The following GPT2 variants were observed in gnomAD, a reference collection of about 807,000 sequenced individuals.
GPT2 encodes the protein alanine aminotransferase 2.
A neutral mutation model predicts 56.9 loss-of-function variants in GPT2; 30 were observed. The ratio of observed to expected loss-of-function variants is 0.53; its 90% CI spans 0.39 to 0.72. The LOEUF (loss-of-function observed/expected upper bound fraction) is 0.72. GPT2 is among the 30% of genes least tolerant of loss of function. GPT2 has a pLI of 0.00. For synonymous variants in GPT2, 271 were observed against 283.1 expected (o/e 0.96, Z 0.43); for missense variants, 542 against 703.4 (o/e 0.77, Z 2.60).
intron 3 of GPT2, among the ~76,000 whole-genome samples, chr16:46,900,323 G>A (rs987548518): frequency 6.6e-6 from 1 of 152,152 alleles, no homozygotes; most frequent in Admixed American, 6.5e-5. Context: ...GCTCCACCCA[G>A]CTGGGCATCG....
At chr16:46,921,669 A>G (rs1961290925) in intron 8 of GPT2, among the ~76,000 whole-genome samples, 1 of 151,982 alleles carries the variant, frequency 6.6e-6, no homozygotes, top group African/African-American at 2.4e-5. Flanking sequence ...TTTTTTTTTA[A>G]AACTCATCAT....
intron 11 of GPT2, among the ~76,000 whole-genome samples, chr16:46,928,204 C>T (rs1229870470): frequency 9.2e-5 from 14 of 151,794 alleles, no homozygotes; most frequent in African/African-American, 4.8e-5. Flanking sequence ...GGCGCATGCC[C>T]GTAATCCTAG....
intron 2 of GPT2, among the ~76,000 whole-genome samples, chr16:46,891,494 C>T (rs1396862451): frequency 4.6e-5 from 7 of 152,034 alleles, no homozygotes; most frequent in Admixed American, 1.3e-4. Context: ...ATCTCCACCT[C>T]CTGACTTCAA....
At chr16:46,918,409 G>T (rs1284600308) in intron 7 of GPT2, among the ~76,000 whole-genome samples, 1 of 152,190 alleles carries the variant, frequency 6.6e-6, no homozygotes, top group African/African-American at 2.4e-5. Flanking sequence ...GTGAGCTCCT[G>T]AGCTGTCTCA....
Position 46,909,903 on chromosome 16 carries a change from A to C in GPT2, c.796A>C (p.Ile266Leu). Residue 266 changes from isoleucine to leucine, a missense_variant, in exon 6 of 12, where the codon ATA becomes CTA. Physicochemically the swap from Ile to Leu is conservative, Grantham distance 5. Transcript: ENST00000340124. ...KDHCDPKVLC[I>L]INPGNPTGQV... ...CCACTGTGATCCTAAGGTGCTCTGC[A>C]TAATCAACCCTGGGAACCCCACAGG... is the stretch of plus-strand genomic sequence containing the variant. The C allele has an allele frequency of 2.5e-6, 4 of 1,612,530 alleles. No individual in the cohort carries two copies. Among genetic ancestry groups the C allele is most frequent in the Non-Finnish European group, 3.4e-6 (4 of 1,178,818 alleles).
At chr16:46,907,263 G>A (rs189021699) in intron 5 of GPT2, among the ~76,000 whole-genome samples, 4 of 152,374 alleles carry the variant, frequency 2.6e-5, no homozygotes, top group Admixed American at 6.5e-5. Flanking sequence ...GGTTCTGCAC[G>A]TACTGGTGTT....
At chr16:46,905,455 TG>T (rs1455157808) in intron 4 of GPT2, among the ~76,000 whole-genome samples, 1 of 152,188 alleles carries the variant, frequency 6.6e-6, no homozygotes, top group East Asian at 1.9e-4. Flanking sequence ...TCCTGCCTCC[TG>T]GGGGTGGTTT....
chr16:46,907,544 C>T (rs1960957338), intron 5 of GPT2, among the ~76,000 whole-genome samples: 1 of 152,138 alleles, frequency 6.6e-6, no homozygotes, highest in African/African-American at 2.4e-5. Flanking sequence ...AGGGGGTGTG[C>T]TCTGAGCTGA....
intron 2 of GPT2, among the ~76,000 whole-genome samples, chr16:46,887,887 T>C (rs1160905057): frequency 1.3e-5 from 2 of 152,170 alleles, no homozygotes; most frequent in South Asian, 4.1e-4. Flanking sequence ...GGGGCCATTC[T>C]CCTGCAGCCC....
chr16:46,929,291 TACA>T lies in GPT2; in HGVS notation c.*300_*302del. On this transcript the variant is annotated 3_prime_UTR_variant, in exon 12 of 12. Coordinates refer to ENST00000340124, the MANE Select transcript of GPT2 (RefSeq NM_133443.4). The stretch of plus-strand genomic sequence containing the variant: ...GCTTCTGGAAAGTTCATTTGGGGTT[TACA>T]ACAACTAGGATGTGTTGGGTGAGAT... 2.6e-6 allele frequency: 1 copy of T among 380,650 alleles called. No individual in the cohort carries two copies. Among genetic ancestry groups the T allele is most frequent in the Non-Finnish European group, 4.9e-6 (1 of 202,662 alleles). 23.6% of individuals were successfully genotyped at this position (380,650 alleles called of 1,614,324 possible).
chr16:46,921,324 C>A (rs995341900), intron 8 of GPT2, among the ~76,000 whole-genome samples: 11 of 152,180 alleles, frequency 7.2e-5, no homozygotes, highest in Non-Finnish European at 1.5e-4. Context: ...CAGGCATGCA[C>A]CACCATGCCA....
intron 9 of GPT2, among the ~76,000 whole-genome samples, chr16:46,922,947 G>T (rs1261871135): frequency 6.6e-6 from 1 of 152,050 alleles, no homozygotes; most frequent in Non-Finnish European, 1.5e-5. Context: ...ACATAAAGTC[G>T]ACCTTTTTAA....
chr16:46,911,394 C>T (rs1272666990), intron 6 of GPT2, among the ~76,000 whole-genome samples: 1 of 152,132 alleles, frequency 6.6e-6, no homozygotes, highest in Non-Finnish European at 1.5e-5. Flanking sequence ...TCAAATGATG[C>T]TTCAGTCAGC....
intron 5 of GPT2, among the ~76,000 whole-genome samples, 173 bp downstream of exon 5, chr16:46,907,148 A>G (rs1041218846): frequency 3.9e-5 from 6 of 152,160 alleles, no homozygotes; most frequent in African/African-American, 1.4e-4. Flanking sequence ...AGTCTTCATG[A>G]GCCTAGACAC....
At chr16:46,918,532 C>T in intron 7 of GPT2, 89 bp from the exon 8 acceptor site, 2 of 1,475,054 alleles carry the variant, frequency 1.4e-6, no homozygotes, top group Non-Finnish European at 1.9e-6. Context: ...TCATGGCCCA[C>T]AGCACCTGTG....
rs190428752 is a variant in GPT2, at chr16:46,889,313, A to C, written c.243+4355A>C. ...TGTTCTTTCTCCTAGGCTGGAGTGCAGTGGTGCAGTTATAGCTCACTGTGG... is the reference window on the plus strand; with the variant it reads ...TGTTCTTTCTCCTAGGCTGGAGTGCCGTGGTGCAGTTATAGCTCACTGTGG... On this transcript the variant is annotated intron_variant, in intron 2 of 11. Coordinates refer to ENST00000340124, the MANE Select transcript of GPT2 (RefSeq NM_133443.4). 5.2e-4 allele frequency among the ~76,000 whole-genome samples: 69 copies of C among 133,424 alleles called. 1 individual carries two copies. Among genetic ancestry groups the C allele is most frequent in the Non-Finnish European group, 1.5e-4 (10 of 65,472 alleles). 87.5% of individuals were successfully genotyped at this position (133,424 alleles called of 152,430 possible). A position where few individuals can be genotyped will look rare whatever the true frequency, so the allele number is the denominator to read the frequency against.
intron 7 of GPT2, among the ~76,000 whole-genome samples, chr16:46,917,904 A>T (rs1396446237): frequency 2.0e-5 from 3 of 152,134 alleles, no homozygotes; most frequent in Non-Finnish European, 4.4e-5. Flanking sequence ...GGTATACAGA[A>T]CTTCCTTCTG....
At chr16:46,896,428 A>T (rs192716975) in intron 2 of GPT2, among the ~76,000 whole-genome samples, 26 of 149,186 alleles carry the variant, frequency 1.7e-4, no homozygotes, top group African/African-American at 5.9e-4. Context: ...TTTGCTCTTC[A>T]GTCAGTCTTT....
chr16:46,919,564 C>T (rs879615847), intron 8 of GPT2, among the ~76,000 whole-genome samples: 2 of 152,126 alleles, frequency 1.3e-5, no homozygotes, highest in Non-Finnish European at 2.9e-5. Context: ...GCCATGTTGG[C>T]GGAACAGCCA....
Sources: allele counts gnomAD v4.1 joint callset (sites outside exome capture counted in the v4.1 genomes callset), GRCh38; gene constraint gnomAD v4.1.1; transcripts MANE v1.5; gene names NCBI Gene and HGNC (gene_info 2026-07-23, HGNC 2026-07-21).